The following KTN1 variants were observed in gnomAD, a reference collection of about 807,000 sequenced individuals.
KTN1 encodes kinectin.
KTN1 carries 130 observed loss-of-function variants against 222.5 expected under a neutral mutation model. That is an observed-to-expected ratio of 0.58 (90% CI 0.51 to 0.68). The LOEUF (loss-of-function observed/expected upper bound fraction) is 0.68, where lower values mean the gene tolerates loss of function less well. KTN1 is among the 30% of genes least tolerant of loss of function. KTN1 has a pLI of 0.00. For synonymous variants in KTN1, 512 were observed against 496.3 expected (o/e 1.03, Z -0.42); for missense variants, 1,508 against 1,500.4 (o/e 1.01, Z -0.08).
chr14:55,636,600 C>A, intron 10 of KTN1, 64 bp downstream of exon 10: 1 of 1,191,526 alleles, frequency 8.4e-7, no homozygotes, highest in South Asian at 1.4e-5. Context: ...CCTCTCTCTT[C>A]CATCTGTGAA....
At position 55,623,995 on chromosome 14, in the gene KTN1, C is replaced by T. The variant is rs554062244; in HGVS notation, c.964-3917C>T. Among the ~76,000 whole-genome samples, 4 of 152,142 alleles carry T rather than the reference C, an allele frequency of 2.6e-5. No homozygotes were observed. The South Asian group carries it at 8.3e-4, about 32-fold the overall frequency. ...CTACCCTTTATCTATTTTAGGCAGG[C>T]CTTGGAAGAAGTTGGAAACTATTAA... is the stretch of plus-strand genomic sequence containing the variant. On this transcript the variant is annotated intron_variant, in intron 5 of 43. Transcript: ENST00000395314.
chr14:55,635,272 T>C (rs2040991846), intron 9 of KTN1, among the ~76,000 whole-genome samples: 1 of 152,142 alleles, frequency 6.6e-6, no homozygotes, highest in Non-Finnish European at 1.5e-5. Flanking sequence ...TGTTAGCTGA[T>C]TGACAGATAT....
At chr14:55,671,333 C>T (rs2045430709) in intron 35 of KTN1, 1 of 491,802 alleles carries the variant, frequency 2.0e-6, no homozygotes, top group Non-Finnish European at 3.5e-6. Context: ...GATCTTACCA[C>T]CTGACTAAAG....
At chr14:55,582,880 A>G (rs983240182) in intron 1 of KTN1, among the ~76,000 whole-genome samples, 2 of 152,176 alleles carry the variant, frequency 1.3e-5, no homozygotes, top group East Asian at 3.9e-4. Context: ...GTGACTTTGA[A>G]GGTAAATCCA....
At chr14:55,614,621 TA>T (rs899174499) in intron 2 of KTN1, among the ~76,000 whole-genome samples, 2 of 151,948 alleles carry the variant, frequency 1.3e-5, no homozygotes, top group Non-Finnish European at 2.9e-5. Context: ...TGTAAAAATG[TA>T]AAAAAAAGTC....
intron 6 of KTN1, among the ~76,000 whole-genome samples, chr14:55,628,914 T>C (rs2040174958): frequency 6.7e-6 from 1 of 149,990 alleles, no homozygotes; most frequent in African/African-American, 2.4e-5. Flanking sequence ...TATAACAATT[T>C]GTAAAGATGA....
chr14:55,617,872 A>G (rs1049083677), intron 3 of KTN1, 92 bp from the exon 4 acceptor site: 2 of 967,660 alleles, frequency 2.1e-6, no homozygotes, highest in African/African-American at 3.3e-5. Context: ...AATGTTTCAA[A>G]AGAACTGCAT....
Position 55,637,377 on chromosome 14 carries a change from C to T in KTN1, c.1716+13C>T, listed in dbSNP as rs1566767034. On this transcript the variant is annotated intron_variant, in intron 11 of 43. Coordinates refer to ENST00000395314, the MANE Select transcript of KTN1 (RefSeq NM_001079521.2). ...AATGCAGGTTCAGGTATTTTTTCTT[C>T]TTTTTTTTTTTTTAAAAAAATACAG... 15 of 1,206,380 alleles carry T rather than the reference C, an allele frequency of 1.2e-5. No homozygotes were observed. The highest frequency in any genetic ancestry group is 1.2e-4 in the East Asian group (4 of 34,534). 74.7% of individuals were successfully genotyped at this position (1,206,380 alleles called of 1,614,324 possible).
intron 22 of KTN1, among the ~76,000 whole-genome samples, chr14:55,650,111 C>T (rs1324266502): frequency 6.6e-6 from 1 of 151,992 alleles, no homozygotes; most frequent in Non-Finnish European, 1.5e-5. Context: ...TGATGTACTT[C>T]TGAAGCACTT....
At position 55,616,663 on chromosome 14, in the gene KTN1, T is replaced by C. The variant is rs1332495096; in HGVS notation, c.661+9T>C. 2 of 1,579,152 alleles carry C rather than the reference T, an allele frequency of 1.3e-6. No homozygotes were observed. Among genetic ancestry groups the C allele is most frequent in the South Asian group, 1.2e-5 (1 of 85,748 alleles). ...ACAAAAGACAGAAAATGGTGAGATG[T>C]TTAGATATGTATTTTTATAATGCTA... is the stretch of plus-strand genomic sequence containing the variant. On this transcript the variant is annotated intron_variant, in intron 3 of 43. Coordinates refer to ENST00000395314, the MANE Select transcript of KTN1 (RefSeq NM_001079521.2).
intron 6 of KTN1, among the ~76,000 whole-genome samples, chr14:55,629,730 AAAC>A (rs2040299486): frequency 6.6e-6 from 1 of 152,230 alleles, no homozygotes; most frequent in South Asian, 2.1e-4. Flanking sequence ...AATTAAGAGT[AAAC>A]AACAGTGGCA....
intron 19 of KTN1, among the ~76,000 whole-genome samples, chr14:55,647,473 A>G (rs1193134586): frequency 6.6e-6 from 1 of 151,486 alleles, no homozygotes; most frequent in Non-Finnish European, 1.5e-5. Flanking sequence ...GTCTGTACCA[A>G]ATGTACAAAA....
intron 5 of KTN1, 81 bp from the exon 6 acceptor site, chr14:55,627,831 A>AT: frequency 1.2e-6 from 1 of 815,770 alleles, no homozygotes; most frequent in Non-Finnish European, 2.1e-6. Context: ...TCCATGGTGT[A>AT]TATGTGCCAC....
At chr14:55,678,756 G>A (rs2046111569) in intron 42 of KTN1, 2 of 290,464 alleles carry the variant, frequency 6.9e-6, no homozygotes, top group South Asian at 4.8e-5. Flanking sequence ...TGCCGCCTGA[G>A]CTCTGCCTCC....
chr14:55,630,116 G>A lies in KTN1; in HGVS notation c.1221+19G>A. 1 of 1,604,694 alleles carries A rather than the reference G, an allele frequency of 6.2e-7. No homozygotes were observed. Among genetic ancestry groups the A allele is most frequent in the African/African-American group, 1.3e-5 (1 of 74,792 alleles). On this transcript the variant is annotated intron_variant, in intron 7 of 43. Transcript: ENST00000395314. ...GATGAAGGTATATTTTCATTCTTTG[G>A]AAACAAGATGAAATGGTTGCATTCA... is the stretch of plus-strand genomic sequence containing the variant.
chr14:55,586,796 T>A (rs2033102616), intron 1 of KTN1, among the ~76,000 whole-genome samples: 3 of 152,196 alleles, frequency 2.0e-5, no homozygotes, highest in Non-Finnish European at 4.4e-5. Context: ...CCACATGCTA[T>A]AAAATGTTTT....
At position 55,619,271 on chromosome 14, in the gene KTN1, C is replaced by T. The variant is rs2038809357; in HGVS notation, c.922C>T (p.Leu308=). Residue 308 remains leucine, a synonymous_variant, in exon 5 of 44, where the codon CTA becomes TTA. Transcript: ENST00000395314. The part of the protein sequence containing the change: ...EDEALCVVDL[L]KEKSGVIQDA... ...TGAGGCTCTTTGTGTTGTAGACTTG[C>T]TAAAGGAGAAGTCTGGTGTAATACA... The T allele has an allele frequency of 6.2e-7, 1 of 1,612,930 alleles. No homozygotes were observed. Among genetic ancestry groups the T allele is most frequent in the African/African-American group, 1.3e-5 (1 of 74,854 alleles).
At chr14:55,640,576 T>C (rs964945889) in intron 15 of KTN1, 134 bp downstream of exon 15, 2 of 642,980 alleles carry the variant, frequency 3.1e-6, no homozygotes, top group Non-Finnish European at 5.3e-6. Flanking sequence ...GCTGCATGAT[T>C]TGATGTTACT....
chr14:55,613,266 A>C (rs2037857622), intron 2 of KTN1, among the ~76,000 whole-genome samples: 1 of 152,152 alleles, frequency 6.6e-6, no homozygotes, highest in Non-Finnish European at 1.5e-5. Flanking sequence ...ACTTAAAGCA[A>C]GTAATGCCAG....
Sources: allele counts gnomAD v4.1 joint callset (sites outside exome capture counted in the v4.1 genomes callset), GRCh38; gene constraint gnomAD v4.1.1; transcripts MANE v1.5; gene names NCBI Gene and HGNC (gene_info 2026-07-23, HGNC 2026-07-21).